The following TOX2 variants were observed in gnomAD, a reference collection of about 807,000 sequenced individuals.
TOX2 encodes the protein granulosa cell HMG box 1.
Under a neutral mutation model 47.4 loss-of-function variants are expected in TOX2, and 15 were observed. That is an observed-to-expected ratio of 0.32 (90% CI 0.21 to 0.49). The LOEUF (loss-of-function observed/expected upper bound fraction) is 0.49. TOX2 is among the 20% of genes least tolerant of loss of function. The probability of loss-of-function intolerance (pLI) is 0.99; values close to 1 mark genes in which losing one functional copy is unlikely to be tolerated. For missense variants in TOX2, 622 were observed against 673.1 expected (o/e 0.92, Z 0.84); for synonymous variants, 290 against 296.6 (o/e 0.98, Z 0.23).
At chr20:43,949,094 C>G (rs1425136833) in intron 1 of TOX2, among the ~76,000 whole-genome samples, 2 of 152,148 alleles carry the variant, frequency 1.3e-5, no homozygotes, top group African/African-American at 2.4e-5. Flanking sequence ...TCTCAATGGC[C>G]CTTTTCCTGA....
chr20:43,975,010 C>G (rs895813067), intron 2 of TOX2, among the ~76,000 whole-genome samples: 8 of 152,266 alleles, frequency 5.3e-5, no homozygotes, highest in African/African-American at 1.7e-4. Flanking sequence ...GAAGAGTACA[C>G]TGATGTCATT....
chr20:44,011,703 T>C lies in TOX2; in HGVS notation c.411+4911T>C, dbSNP rs192401259. Among the ~76,000 whole-genome samples, 269 of 152,310 alleles carry C rather than the reference T, an allele frequency of 1.8e-3. 1 individual carries two copies. The highest frequency in any genetic ancestry group is 6.3e-3 in the African/African-American group (260 of 41,566). Reference sequence around the variant, plus strand: ...GATGGCCAGGGTGCTTCAGGCGTTGTCTGCACAGATCGAGATACACTGAGG... The same window carrying C: ...GATGGCCAGGGTGCTTCAGGCGTTGCCTGCACAGATCGAGATACACTGAGG... On this transcript the variant is annotated intron_variant, in intron 3 of 8. Coordinates refer to ENST00000341197, the MANE Select transcript of TOX2 (RefSeq NM_001098797.2).
chr20:43,931,142 G>GT (rs145421400), intron 1 of TOX2, among the ~76,000 whole-genome samples: 3 of 151,940 alleles, frequency 2.0e-5, no homozygotes, highest in East Asian at 1.9e-4. Flanking sequence ...CATCTTTTAT[G>GT]TTTTTTTTCT....
intron 1 of TOX2, among the ~76,000 whole-genome samples, chr20:43,924,307 A>G (rs2069141898): frequency 6.6e-6 from 1 of 152,200 alleles, no homozygotes; most frequent in African/African-American, 2.4e-5. Context: ...TAGGAAAGGC[A>G]GGATAGTTAC....
intron 3 of TOX2, among the ~76,000 whole-genome samples, chr20:44,040,341 A>G (rs1278276846): frequency 6.6e-6 from 1 of 152,194 alleles, no homozygotes; most frequent in East Asian, 1.9e-4. Context: ...GGTGGGCTGA[A>G]GAAGAGCAGG....
intron 2 of TOX2, among the ~76,000 whole-genome samples, chr20:43,978,053 A>G (rs1483636385): frequency 6.6e-6 from 1 of 152,160 alleles, no homozygotes; most frequent in Non-Finnish European, 1.5e-5. Flanking sequence ...TCTGCCTCCT[A>G]GAGTGTCATG....
chr20:44,046,500 C>T (rs2071410377), intron 3 of TOX2, among the ~76,000 whole-genome samples: 2 of 152,212 alleles, frequency 1.3e-5, no homozygotes, highest in Admixed American at 6.5e-5. Flanking sequence ...CCACGAGATA[C>T]TTGTGCACCC....
chr20:43,944,394 G>A (rs79663350), intron 1 of TOX2, among the ~76,000 whole-genome samples: 2,223 of 152,316 alleles, frequency 0.015, 29 homozygotes, highest in Non-Finnish European at 0.025. Flanking sequence ...CTTTGGGGAA[G>A]AAGGAGATCT....
intron 3 of TOX2, chr20:44,039,165 A>G (rs1600769402): frequency 7.9e-7 from 1 of 1,266,916 alleles, no homozygotes; most frequent in Non-Finnish European, 1.0e-6. Context: ...AGAGGCTTGG[A>G]AAGAGGGTGA....
rs185551306 is a variant in TOX2 at position 43,961,798 on chromosome 20, G to A, written c.100-11569G>A. Among the ~76,000 whole-genome samples, 419 of 152,108 alleles carry A rather than the reference G, an allele frequency of 2.8e-3. 2 individuals are homozygous for A. Among genetic ancestry groups the A allele is most frequent in the African/African-American group, 9.6e-3 (400 of 41,482 alleles). On this transcript the variant is annotated intron_variant, in intron 1 of 8. Coordinates refer to ENST00000341197, the MANE Select transcript of TOX2 (RefSeq NM_001098797.2). Reference sequence around the variant, plus strand: ...GGAGTGCCGGTGGGTGAGACCAGCCGAGAGCACGTACATTGGCATCCCCCA... The same window carrying A: ...GGAGTGCCGGTGGGTGAGACCAGCCAAGAGCACGTACATTGGCATCCCCCA...
At chr20:44,066,952 C>T in intron 8 of TOX2, 95 bp downstream of exon 8, 1 of 1,513,600 alleles carries the variant, frequency 6.6e-7, no homozygotes, top group Non-Finnish European at 8.9e-7. Context: ...GCAACGTGGA[C>T]AGGGGAGGAC....
At chr20:43,996,142 G>A (rs911326035) in intron 2 of TOX2, among the ~76,000 whole-genome samples, 4 of 152,172 alleles carry the variant, frequency 2.6e-5, no homozygotes, top group Admixed American at 2.6e-4. Context: ...CAGTGTAAGT[G>A]TTACCTTTTC....
At chr20:43,930,906 A>G (rs2069243967) in intron 1 of TOX2, among the ~76,000 whole-genome samples, 4 of 152,112 alleles carry the variant, frequency 2.6e-5, no homozygotes, top group Admixed American at 2.0e-4. Context: ...CTGCCCTACC[A>G]TGGTTTTCTG....
chr20:43,932,889 C>G (rs2069274607), intron 1 of TOX2, among the ~76,000 whole-genome samples: 1 of 152,146 alleles, frequency 6.6e-6, no homozygotes, highest in African/African-American at 2.4e-5. Context: ...CAAATCTCAT[C>G]TGCCCCTCTT....
chr20:43,992,860 A>AG (rs1569072929), intron 2 of TOX2, among the ~76,000 whole-genome samples: 6 of 148,322 alleles, frequency 4.0e-5, no homozygotes, highest in Non-Finnish European at 9.1e-5. Flanking sequence ...AAAAAAAAAA[A>AG]AAAAAAGAAA....
chr20:43,996,277 G>A (rs1430010246), intron 2 of TOX2, among the ~76,000 whole-genome samples: 1 of 152,216 alleles, frequency 6.6e-6, no homozygotes. Context: ...TGTTGTAGCT[G>A]AGATGTTCTT....
At chr20:44,064,459 C>T (rs1391857775) in intron 5 of TOX2, among the ~76,000 whole-genome samples, 2 of 152,218 alleles carry the variant, frequency 1.3e-5, no homozygotes, top group Non-Finnish European at 2.9e-5. Context: ...CTGCACTGTG[C>T]TGGCTCAGAA....
At chr20:44,031,707 G>A (rs2071155421) in intron 3 of TOX2, among the ~76,000 whole-genome samples, 2 of 152,084 alleles carry the variant, frequency 1.3e-5, no homozygotes, top group Admixed American at 6.5e-5. Context: ...CATAGGCCAG[G>A]AAAATGAAGT....
chr20:44,018,072 C>T (rs145334266), intron 3 of TOX2, among the ~76,000 whole-genome samples: 17 of 152,308 alleles, frequency 1.1e-4, no homozygotes, highest in East Asian at 3.9e-4. Flanking sequence ...GGGACTGTCC[C>T]GGCACCGAAG....
Sources: allele counts gnomAD v4.1 joint callset (sites outside exome capture counted in the v4.1 genomes callset), GRCh38; gene constraint gnomAD v4.1.1; transcripts MANE v1.5; gene names NCBI Gene and HGNC (gene_info 2026-07-23, HGNC 2026-07-21).